Variants in GALNT16 observed in about 807,000 individuals in gnomAD.
GALNT16 encodes UDP-GalNAc:polypeptide N-acetylgalactosaminyltransferase-like protein 1.
Under a neutral mutation model 76.1 loss-of-function variants are expected in GALNT16, and 40 were observed. The ratio of observed to expected loss-of-function variants is 0.53; its 90% confidence interval spans 0.41 to 0.68. GALNT16 has a LOEUF of 0.68. Among genes scored for constraint, GALNT16 ranks in the 30% least tolerant of loss-of-function variants. GALNT16 has a pLI of 0.00. For synonymous variants in GALNT16, 276 were observed against 285.2 expected, an observed-to-expected ratio of 0.97 and a Z score of 0.32; for missense variants, 621 against 731.9, an observed-to-expected ratio of 0.85 and a Z score of 1.75.
At chr14:69,360,849 G>A (rs1388052639), downstream of GALNT16, among the ~76,000 whole-genome samples, 2 of 152,234 alleles carry the variant, frequency 1.3e-5, no homozygotes, top group Non-Finnish European at 2.9e-5. Flanking sequence ...ACTGAGATGG[G>A]TTCTGGTCCC....
At chr14:69,322,982 GCGCGCGCA>G (rs3045621) in intron 2 of GALNT16, among the ~76,000 whole-genome samples, 3,818 of 35,204 alleles carry the variant, frequency 0.11, 229 homozygotes, top group East Asian at 0.28. Flanking sequence ...GTGTGTGTGT[GCGCGCGCA>G]CGCGCGCACG....
At chr14:69,335,790 T>C (rs570211107) in intron 9 of GALNT16, among the ~76,000 whole-genome samples, 18 of 152,286 alleles carry the variant, frequency 1.2e-4, no homozygotes, top group African/African-American at 4.3e-4. Context: ...TATTCCTTTA[T>C]TGAAGGAAGG....
At chr14:69,262,042 G>T (rs80352613) in intron 1 of GALNT16, among the ~76,000 whole-genome samples, 2,424 of 152,320 alleles carry the variant, frequency 0.016, 51 homozygotes, top group African/African-American at 0.054. Context: ...ACCAGCAGTG[G>T]CCTCCAGACC....
At chr14:69,365,580 C>T in the GALNT16 span, among the ~76,000 whole-genome samples, 1 of 152,144 alleles carries the variant, frequency 6.6e-6, no homozygotes, top group East Asian at 1.9e-4. Context: ...GATGAGAACA[C>T]ATGGACACAT....
At chr14:69,354,753 G>A (rs187403959), downstream of GALNT16, 1 of 152,362 alleles carries the variant, frequency 6.6e-6, no homozygotes, top group Non-Finnish European at 1.5e-5. Flanking sequence ...AGGCTCCTGT[G>A]GCCTCATTAT....
At chr14:69,315,804 G>GT (rs199817353) in intron 1 of GALNT16, among the ~76,000 whole-genome samples, 2 of 151,608 alleles carry the variant, frequency 1.3e-5, no homozygotes, top group Admixed American at 1.3e-4. Context: ...ACTCAAATCA[G>GT]TTTTTAAAAA....
the GALNT16 span, among the ~76,000 whole-genome samples, chr14:69,371,949 AT>A: frequency 6.6e-6 from 1 of 152,164 alleles, no homozygotes; most frequent in Non-Finnish European, 1.5e-5. Context: ...CTCAAAAAAA[AT>A]AAAAAAATAA....
chr14:69,279,420 T>C (rs960040983), intron 1 of GALNT16, among the ~76,000 whole-genome samples: 3 of 152,260 alleles, frequency 2.0e-5, no homozygotes, highest in African/African-American at 7.2e-5. Context: ...CTTTTAGAGT[T>C]GTTAAGATGA....
chr14:69,321,627 T>C (rs896062703), intron 2 of GALNT16, among the ~76,000 whole-genome samples: 4 of 152,176 alleles, frequency 2.6e-5, no homozygotes, highest in Admixed American at 2.6e-4. Context: ...AGTCCCAGAT[T>C]CCTCCCTCCT....
intron 1 of GALNT16, among the ~76,000 whole-genome samples, chr14:69,320,228 C>T (rs989781882): frequency 2.6e-5 from 4 of 152,316 alleles, no homozygotes; most frequent in African/African-American, 7.2e-5. Flanking sequence ...GGCGCGGTGG[C>T]GCATGCCTGT....
chr14:69,271,164 C>T (rs774968949), intron 1 of GALNT16, among the ~76,000 whole-genome samples: 5 of 152,036 alleles, frequency 3.3e-5, no homozygotes, highest in East Asian at 3.9e-4. Flanking sequence ...GGATGCACCC[C>T]GGAATTGCCA....
intron 1 of GALNT16, among the ~76,000 whole-genome samples, chr14:69,274,466 C>T (rs1249834233): frequency 1.3e-5 from 2 of 152,072 alleles, no homozygotes; most frequent in African/African-American, 2.4e-5. Flanking sequence ...TCAGCCAGGG[C>T]TATTGTTATC....
At chr14:69,336,433 C>G (rs575654104) in intron 9 of GALNT16, among the ~76,000 whole-genome samples, 1 of 152,304 alleles carries the variant, frequency 6.6e-6, no homozygotes, top group South Asian at 2.1e-4. Context: ...TTTGAACTTG[C>G]CAGCTGTGCT....
intron 1 of GALNT16, among the ~76,000 whole-genome samples, chr14:69,312,068 T>A (rs956931088): frequency 7.4e-6 from 1 of 135,708 alleles, no homozygotes; most frequent in Non-Finnish European, 1.7e-5. Context: ...TGTCTATCTA[T>A]CTATCTATCT....
At chr14:69,290,479 G>A (rs947237910) in intron 1 of GALNT16, among the ~76,000 whole-genome samples, 1 of 152,244 alleles carries the variant, frequency 6.6e-6, no homozygotes, top group South Asian at 2.1e-4. Flanking sequence ...CTCTGCAGAG[G>A]AGCTGAGACA....
In GALNT16 at chr14:69,326,013, A is replaced by G. The variant is rs761895579; in HGVS notation, c.554A>G (p.Asn185Ser). The G allele has an allele frequency of 5.6e-6, 9 of 1,613,774 alleles. No individual in the cohort carries two copies. Among genetic ancestry groups the G allele is most frequent in the South Asian group, 3.3e-5 (3 of 91,076 alleles). ...ATCCCCAAGGTCAAGTGCCTGCGCA[A>G]TGATCGGCGGGAAGGTGAGTCCTTG... ...TRIPKVKCLR[N>S]DRREGLIRSR... is the part of the protein sequence containing the mutation. Residue 185 changes from asparagine to serine, a missense_variant, in exon 5 of 15, where the codon AAT becomes AGT. By Grantham distance (46) the Asn-to-Ser change is conservative (BLOSUM62 1). Transcript: ENST00000448469.
chr14:69,321,811 A>G (rs920665225), intron 2 of GALNT16, among the ~76,000 whole-genome samples: 2 of 152,232 alleles, frequency 1.3e-5, no homozygotes, highest in Admixed American at 1.3e-4. Flanking sequence ...TGCTCTGTGC[A>G]GACATCTCAC....
the GALNT16 span, among the ~76,000 whole-genome samples, chr14:69,369,261 TC>T: frequency 3.3e-5 from 5 of 152,138 alleles, no homozygotes; most frequent in African/African-American, 1.2e-4. Context: ...TTCCATTATA[TC>T]CCCAGATGTT....
At chr14:69,299,451 C>T (rs1184988142) in intron 1 of GALNT16, among the ~76,000 whole-genome samples, 1 of 152,194 alleles carries the variant, frequency 6.6e-6, no homozygotes, top group Non-Finnish European at 1.5e-5. Context: ...AAGGGAGATG[C>T]TCCACTGTGA....
Sources: allele counts gnomAD v4.1 joint callset (sites outside exome capture counted in the v4.1 genomes callset), GRCh38; gene constraint gnomAD v4.1.1; transcripts MANE v1.5; gene names NCBI Gene and HGNC (gene_info 2026-07-23, HGNC 2026-07-21).